Variants in RPP14 observed in about 807,000 individuals in gnomAD.
RPP14 encodes the protein ribonuclease P/MRP subunit p14, also known as ribonuclease P protein subunit p14.
RPP14 carries 19 observed loss-of-function variants against 17.8 expected under a neutral mutation model. The ratio of observed to expected loss-of-function variants is 1.07; its 90% CI spans 0.74 to 1.57. The LOEUF (loss-of-function observed/expected upper bound fraction) is 1.57. Among genes scored for constraint, RPP14 ranks in the 40% most tolerant of loss-of-function variants. RPP14 has a pLI of 0.00. For missense variants in RPP14, 125 were observed against 140.8 expected (o/e 0.89, Z 0.57); for synonymous variants, 60 against 56.4 (o/e 1.06, Z -0.29).
intron 3 of RPP14, among the ~76,000 whole-genome samples, chr3:58,313,245 C>T (rs1278288344): frequency 1.3e-5 from 2 of 151,968 alleles, no homozygotes; most frequent in Admixed American, 6.6e-5. Flanking sequence ...GGCGACAGAG[C>T]GAGACTCGGT....
At chr3:58,308,391 C>T (rs2097478032) in intron 1 of RPP14, among the ~76,000 whole-genome samples, 1 of 152,140 alleles carries the variant, frequency 6.6e-6, no homozygotes, top group Non-Finnish European at 1.5e-5. Flanking sequence ...TCAAGCTATC[C>T]TCCCACCTCA....
chr3:58,316,312 GA>G (rs2097488227), intron 3 of RPP14, among the ~76,000 whole-genome samples: 3 of 152,216 alleles, frequency 2.0e-5, no homozygotes, highest in Admixed American at 2.0e-4. Flanking sequence ...CAAAGGATGA[GA>G]GACATCAGCC....
At chr3:58,316,205 T>C (rs1354967329) in intron 3 of RPP14, among the ~76,000 whole-genome samples, 1 of 152,174 alleles carries the variant, frequency 6.6e-6, no homozygotes, top group Non-Finnish European at 1.5e-5. Flanking sequence ...AAGGGAATTA[T>C]GAAAGAGAAA....
At chr3:58,309,348 T>G (rs2097479475) in intron 1 of RPP14, among the ~76,000 whole-genome samples, 1 of 152,228 alleles carries the variant, frequency 6.6e-6, no homozygotes, top group African/African-American at 2.4e-5. Context: ...CTCTGTGTCA[T>G]CTTCTCGAAA....
At position 58,310,420 on chromosome 3, in the gene RPP14, CCTAAGTT is replaced by C; in HGVS notation, c.77+18_77+24del. On this transcript the variant is annotated intron_variant, in intron 2 of 5. Coordinates refer to ENST00000295959, the MANE Select transcript of RPP14 (RefSeq NM_007042.6). ...GAAAGTCTGCCTGTAAGTTTAGTTTCCTAAGTTCTATTTTAGATTACTTTTCTAACAT... is the reference window on the plus strand; with the variant it reads ...GAAAGTCTGCCTGTAAGTTTAGTTTCCTATTTTAGATTACTTTTCTAACAT... 1.2e-6 allele frequency: 2 copies of C among 1,612,742 alleles called. No homozygotes were observed. The highest frequency in any genetic ancestry group is 1.7e-6 in the Non-Finnish European group (2 of 1,178,898).
At chr3:58,306,770 CTG>C (rs1310193508) in intron 1 of RPP14, 1 of 152,018 alleles carries the variant, frequency 6.6e-6, no homozygotes, top group African/African-American at 2.4e-5. Flanking sequence ...CGCACGCCCA[CTG>C]TGCACGACCC....
intron 3 of RPP14, among the ~76,000 whole-genome samples, chr3:58,313,687 T>C (rs1375087881): frequency 3.9e-5 from 6 of 152,120 alleles, no homozygotes; most frequent in Admixed American, 2.6e-4. Flanking sequence ...GAGCTGGGTG[T>C]GGTGGTGTGC....
At chr3:58,317,142 A>T in intron 5 of RPP14, 149 bp downstream of exon 5, 1 of 646,732 alleles carries the variant, frequency 1.5e-6, no homozygotes, top group Non-Finnish European at 2.6e-6. Context: ...ATTGTTTCCA[A>T]AAATGTGAGA....
rs2107510362 is a variant in RPP14, at chr3:58,317,480, A to T, written c.359A>T (p.Glu120Val). Residue 120 changes from glutamate (E) to valine (V), a missense_variant, in exon 6 of 6, where the codon GAA becomes GTA. By Grantham distance (121) the Glu-to-Val change is moderately radical (BLOSUM62 -2). Transcript: ENST00000295959. ...CTTGCATTATCTGGTAATAGTAGGG[A>T]ACTAGTATTGGATTGAATGAATAGT... ...FLLALSGNSR[E>V]LVLD is the part of the protein sequence containing the mutation. The T allele has an allele frequency of 1.3e-6, 2 of 1,593,578 alleles. No homozygotes were observed. The highest frequency in any genetic ancestry group is 1.7e-6 in the Non-Finnish European group (2 of 1,162,816).
chr3:58,318,074 T>C lies in RPP14; in HGVS notation c.*578T>C, dbSNP rs1370027951. On this transcript the variant is annotated 3_prime_UTR_variant, in exon 6 of 6. Coordinates refer to ENST00000295959, the MANE Select transcript of RPP14 (RefSeq NM_007042.6). The stretch of plus-strand genomic sequence containing the variant: ...GTAATAGAAAGTAAAAAGACTGTTA[T>C]GGAAGGCTGGGTTAAAGTTATGGTT... The C allele has an allele frequency of 5.9e-6, 4 of 678,968 alleles. No homozygotes were observed. The highest frequency in any genetic ancestry group is 1.8e-5 in the African/African-American group (1 of 55,654). 42.1% of individuals were successfully genotyped at this position (678,968 alleles called of 1,614,324 possible).
At chr3:58,317,396 G>A (rs1473971) in intron 5 of RPP14, 44 bp from the exon 6 acceptor site, 127,005 of 1,333,348 alleles carry the variant, frequency 0.095, 6,898 homozygotes, top group African/African-American at 0.2. Flanking sequence ...CTGTGCTTCA[G>A]TGTGGTTTCT....
chr3:58,310,977 A>T (rs373457303), intron 3 of RPP14, among the ~76,000 whole-genome samples: 3 of 139,984 alleles, frequency 2.1e-5, no homozygotes, highest in Non-Finnish European at 3.2e-5. Flanking sequence ...AAAAAAAAAA[A>T]AAAATAAATT....
intron 3 of RPP14, among the ~76,000 whole-genome samples, chr3:58,312,055 A>G (rs1394980067): frequency 4.0e-5 from 6 of 151,826 alleles, no homozygotes; most frequent in African/African-American, 2.4e-5. Flanking sequence ...TGTAGAGGCA[A>G]GGTCTCACTA....
At chr3:58,313,641 G>T (rs1332580472) in intron 3 of RPP14, among the ~76,000 whole-genome samples, 1 of 152,088 alleles carries the variant, frequency 6.6e-6, no homozygotes, top group Non-Finnish European at 1.5e-5. Flanking sequence ...TGGGTATCTG[G>T]TGAAACCCCA....
At chr3:58,309,848 T>A (rs1387682797) in intron 1 of RPP14, among the ~76,000 whole-genome samples, 2 of 151,884 alleles carry the variant, frequency 1.3e-5, no homozygotes, top group Non-Finnish European at 2.9e-5. Flanking sequence ...GCCAAGATTG[T>A]GCCACTGCAC....
chr3:58,307,283 A>C (rs1438288704), intron 1 of RPP14, among the ~76,000 whole-genome samples: 2 of 152,234 alleles, frequency 1.3e-5, no homozygotes, highest in African/African-American at 2.4e-5. Context: ...GAACCATAGC[A>C]AGATTTTGAG....
At chr3:58,316,677 A>T (rs2292674) in intron 4 of RPP14, 86 bp downstream of exon 4, 448,381 of 1,242,636 alleles carry the variant, frequency 0.36, 88,257 homozygotes, top group East Asian at 0.79. Flanking sequence ...ATGAGAATAA[A>T]TTTTTTGTTG....
intron 3 of RPP14, among the ~76,000 whole-genome samples, chr3:58,311,792 T>C (rs1377745298): frequency 6.6e-6 from 1 of 152,164 alleles, no homozygotes; most frequent in East Asian, 1.9e-4. Context: ...CATGTCTTTT[T>C]GAATTGATTT....
In RPP14 at chr3:58,310,494, T is replaced by C. The variant is rs199545063; in HGVS notation, c.78-13T>C. ...AAATTTAATATGACTTTTTTTTTTT[T>C]CACTTTTTTTAGAGAATTTCAAGAT... On this transcript the variant is annotated splice_polypyrimidine_tract_variant and intron_variant, in intron 2 of 5. Transcript: ENST00000295959. The C allele has an allele frequency of 5.7e-6, 9 of 1,567,176 alleles. No individual in the cohort carries two copies. The highest frequency in any genetic ancestry group is 1.7e-4 in the Middle Eastern group (1 of 5,942).
Sources: gnomAD v4.1 joint callset for allele counts (sites outside exome capture counted in the v4.1 genomes callset) on GRCh38, gnomAD v4.1.1 for gene constraint, MANE v1.5 for transcripts, NCBI Gene and HGNC (gene_info 2026-07-23, HGNC 2026-07-21) for gene names.